Variants in EDA observed in about 807,000 individuals in gnomAD.
EDA encodes ectodysplasin A.
EDA carries 2 observed loss-of-function variants against 23.6 expected under a neutral mutation model. That is an observed-to-expected ratio of 0.08 (90% CI 0.03 to 0.27). EDA has a LOEUF of 0.27. EDA is among the 10% of genes least tolerant of loss of function. EDA has a pLI of 1.00. For missense variants in EDA, 229 were observed against 324.2 expected (o/e 0.71, Z 2.26); for synonymous variants, 131 against 132.0 (o/e 0.99, Z 0.05).
At chrX:69,653,069 G>A (rs749571155) in intron 1 of EDA, among the ~76,000 whole-genome samples, 1 of 112,061 alleles carries the variant, frequency 8.9e-6, no homozygotes, top group Non-Finnish European at 1.9e-5. Context: ...ACCTTGGGCA[G>A]TATGGCCATT....
At chrX:69,759,235 T>C (rs917610848) in intron 1 of EDA, among the ~76,000 whole-genome samples, 2 of 112,172 alleles carry the variant, frequency 1.8e-5, no homozygotes, top group Non-Finnish European at 1.9e-5. Flanking sequence ...TTTTTCTGTA[T>C]AGTAGGAGTG....
chrX:69,834,121 A>G (rs2147547125), intron 1 of EDA, among the ~76,000 whole-genome samples: 1 of 110,235 alleles, frequency 9.1e-6, no homozygotes, highest in African/African-American at 3.3e-5. Context: ...GTCCCTACAA[A>G]GGACATGAAC....
At chrX:69,677,657 C>T (rs201654385) in intron 1 of EDA, among the ~76,000 whole-genome samples, 35,365 of 107,319 alleles carry the variant, frequency 0.33, 5,261 homozygotes, top group East Asian at 0.87. Context: ...TGTCCTTTGC[C>T]CACTTTTTGA....
In EDA at chrX:69,821,875, A is replaced by G. The variant is rs1042669824; in HGVS notation, c.397-135152A>G. ...CATTTGAAATGTACAGTTTGGTGTT[A>G]CTAAATACATTCATAATGTTGTGCC... On this transcript the variant is annotated intron_variant, in intron 1 of 7. Coordinates refer to ENST00000374552, the MANE Select transcript of EDA (RefSeq NM_001399.5). Among the ~76,000 whole-genome samples the G allele has an allele frequency of 7.1e-5, 8 of 112,163 alleles. No individual in the cohort carries two copies. In the Admixed American group the frequency reaches 7.6e-4, roughly 11 times the overall value.
chrX:69,895,358 T>C (rs2017996508), intron 1 of EDA, among the ~76,000 whole-genome samples: 1 of 103,697 alleles, frequency 9.6e-6, no homozygotes, highest in Non-Finnish European at 2.0e-5. Flanking sequence ...TCCATCTTCC[T>C]CCTCACCCCA....
chrX:70,023,705 A>G (rs1319275481), intron 3 of EDA, among the ~76,000 whole-genome samples: 1 of 109,524 alleles, frequency 9.1e-6, no homozygotes, highest in Non-Finnish European at 1.9e-5. Flanking sequence ...CTGTGTCACC[A>G]TGTAGGAACT....
chrX:69,859,824 TA>T (rs757800311), intron 1 of EDA, among the ~76,000 whole-genome samples: 2 of 110,881 alleles, frequency 1.8e-5, no homozygotes, highest in African/African-American at 3.3e-5. Flanking sequence ...AGTGAGGTGT[TA>T]AAGTCTCTCA....
At chrX:69,978,176 C>T (rs1671200641) in intron 2 of EDA, among the ~76,000 whole-genome samples, 1 of 107,566 alleles carries the variant, frequency 9.3e-6, no homozygotes, top group South Asian at 4.2e-4. Context: ...AAAATTAAGA[C>T]AATATTTTAT....
intron 1 of EDA, among the ~76,000 whole-genome samples, chrX:69,681,399 T>C (rs1042982208): frequency 1.4e-4 from 16 of 111,139 alleles, no homozygotes; most frequent in East Asian, 2.8e-4. Flanking sequence ...TTCTCCTGGA[T>C]AATATCCTGC....
At chrX:69,686,344 A>G (rs1039348720) in intron 1 of EDA, among the ~76,000 whole-genome samples, 1 of 112,168 alleles carries the variant, frequency 8.9e-6, no homozygotes, top group Non-Finnish European at 1.9e-5. Context: ...AAAGAATACA[A>G]TGGCCACTAA....
intron 1 of EDA, among the ~76,000 whole-genome samples, chrX:69,789,506 C>A (rs969796537): frequency 3.6e-5 from 4 of 112,175 alleles, no homozygotes; most frequent in African/African-American, 1.3e-4. Context: ...CCAGCTGTAT[C>A]TATTTCATCC....
chrX:69,733,025 A>G (rs1417110344), intron 1 of EDA, among the ~76,000 whole-genome samples: 2 of 108,821 alleles, frequency 1.8e-5, no homozygotes, highest in Non-Finnish European at 3.8e-5. Flanking sequence ...GGTAGATTGT[A>G]AAAATTTTCT....
intron 2 of EDA, among the ~76,000 whole-genome samples, chrX:70,004,110 G>T (rs2019771792): frequency 8.9e-6 from 1 of 112,201 alleles, no homozygotes; most frequent in African/African-American, 3.2e-5. Flanking sequence ...AACTTTGAGG[G>T]ACCATTATGC....
chrX:69,893,693 G>A (rs926840976), intron 1 of EDA, among the ~76,000 whole-genome samples: 1 of 112,654 alleles, frequency 8.9e-6, no homozygotes, highest in African/African-American at 3.2e-5. Flanking sequence ...TCTTTAAAAT[G>A]TGTGATCTCT....
chrX:69,958,618 G>C (rs760220159), intron 2 of EDA, among the ~76,000 whole-genome samples: 1 of 110,823 alleles, frequency 9.0e-6, no homozygotes, highest in Non-Finnish European at 1.9e-5. Flanking sequence ...GGACCAGTGG[G>C]GCCATTCTCT....
At chrX:70,001,889 G>C (rs1291546218) in intron 2 of EDA, among the ~76,000 whole-genome samples, 1 of 111,718 alleles carries the variant, frequency 9.0e-6, no homozygotes, top group Non-Finnish European at 1.9e-5. Context: ...GCTTGTCCTA[G>C]AGTAGTGGTT....
intron 1 of EDA, among the ~76,000 whole-genome samples, chrX:69,796,627 A>T (rs1349147247): frequency 8.9e-6 from 1 of 112,222 alleles, no homozygotes; most frequent in Non-Finnish European, 1.9e-5. Flanking sequence ...CTATTATACC[A>T]GATGTGCAGA....
chrX:69,793,577 T>TTG (rs1486148302), intron 1 of EDA, among the ~76,000 whole-genome samples: 1 of 101,639 alleles, frequency 9.8e-6, no homozygotes, highest in African/African-American at 3.6e-5. Flanking sequence ...TTTGTTTTTT[T>TTG]TTTTTTTTTT....
intron 1 of EDA, among the ~76,000 whole-genome samples, chrX:69,768,816 C>G (rs778880781): frequency 7.2e-5 from 8 of 111,467 alleles, no homozygotes; most frequent in South Asian, 3.7e-4. Flanking sequence ...CTTTCTTGTT[C>G]TTTCCTAACG....
Sources: gnomAD v4.1 joint callset for allele counts (sites outside exome capture counted in the v4.1 genomes callset) on GRCh38, gnomAD v4.1.1 for gene constraint, MANE v1.5 for transcripts, NCBI Gene and HGNC (gene_info 2026-07-23, HGNC 2026-07-21) for gene names.